Variants in NTM observed in about 807,000 individuals in gnomAD.
NTM encodes the protein IgLON family member 2.
A neutral mutation model predicts 42.1 loss-of-function variants in NTM; 13 were observed. The observed-to-expected ratio is 0.31, with a 90% CI of 0.20 to 0.49. The LOEUF (loss-of-function observed/expected upper bound fraction) is 0.49, where lower values mean the gene tolerates loss of function less well. Among genes scored for constraint, NTM ranks in the 20% least tolerant of loss-of-function variants. The pLI is 0.99. For missense variants in NTM, 373 were observed against 452.8 expected, an observed-to-expected ratio of 0.82 and a Z score of 1.60; for synonymous variants, 187 against 179.2, an observed-to-expected ratio of 1.04 and a Z score of -0.35.
chr11:132,297,451 G>A (rs1045859187), intron 4 of NTM, among the ~76,000 whole-genome samples: 1 of 152,186 alleles, frequency 6.6e-6, no homozygotes, highest in Admixed American at 6.5e-5. Flanking sequence ...TCATCAGCCA[G>A]TGGGCATGGG....
chr11:132,122,643 C>G (rs2065036132), intron 2 of NTM, among the ~76,000 whole-genome samples: 1 of 152,148 alleles, frequency 6.6e-6, no homozygotes, highest in African/African-American at 2.4e-5. Context: ...AGTGCCACCT[C>G]ATAAAGGGAA....
At chr11:132,212,934 C>T (rs1357402581) in intron 4 of NTM, among the ~76,000 whole-genome samples, 4 of 150,964 alleles carry the variant, frequency 2.6e-5, no homozygotes, top group Non-Finnish European at 5.9e-5. Context: ...CACTCATGAA[C>T]TCACATTCTC....
At chr11:132,129,402 C>T (rs2066430936) in intron 2 of NTM, among the ~76,000 whole-genome samples, 1 of 152,174 alleles carries the variant, frequency 6.6e-6, no homozygotes, top group Non-Finnish European at 1.5e-5. Context: ...CAAACAGATC[C>T]CAGGAGCCCT....
intron 2 of NTM, among the ~76,000 whole-genome samples, chr11:131,968,006 A>G (rs1250092394): frequency 1.3e-5 from 2 of 152,210 alleles, no homozygotes; most frequent in Non-Finnish European, 1.5e-5. Flanking sequence ...TACCAACCGT[A>G]TATAGGAATC....
intron 1 of NTM, among the ~76,000 whole-genome samples, chr11:131,471,733 T>C (rs1170153561): frequency 6.6e-6 from 1 of 152,042 alleles, no homozygotes; most frequent in Admixed American, 6.5e-5. Flanking sequence ...TACTCCAGGG[T>C]CTCCAGCATA....
intron 1 of NTM, among the ~76,000 whole-genome samples, chr11:131,489,587 C>T (rs144955058): frequency 6.6e-6 from 1 of 152,316 alleles, no homozygotes; most frequent in African/African-American, 2.4e-5. Context: ...TATCCTTCAG[C>T]CACAGCTTTG....
chr11:131,819,941 T>C (rs541531110), intron 1 of NTM, among the ~76,000 whole-genome samples: 3 of 152,316 alleles, frequency 2.0e-5, no homozygotes, highest in Admixed American at 6.5e-5. Context: ...TTGATTTCGG[T>C]CTGTTCCCTG....
At chr11:131,584,699 C>T (rs1040315088) in intron 1 of NTM, among the ~76,000 whole-genome samples, 31 of 152,218 alleles carry the variant, frequency 2.0e-4, no homozygotes, top group Admixed American at 1.3e-4. Context: ...AAGATATCTG[C>T]AATTTTGTGA....
intron 2 of NTM, among the ~76,000 whole-genome samples, chr11:131,999,624 T>C (rs2068775627): frequency 6.6e-6 from 1 of 152,258 alleles, no homozygotes; most frequent in African/African-American, 2.4e-5. Context: ...GCAAATTTCC[T>C]GCATAAGTTA....
chr11:132,329,731 G>C (rs893226317), intron 7 of NTM, among the ~76,000 whole-genome samples: 1 of 152,178 alleles, frequency 6.6e-6, no homozygotes, highest in Non-Finnish European at 1.5e-5. Context: ...AACTTTATAC[G>C]TAAGACCTAC....
chr11:131,700,036 G>C, intron 1 of NTM, among the ~76,000 whole-genome samples: 1 of 151,096 alleles, frequency 6.6e-6, no homozygotes, highest in Non-Finnish European at 1.5e-5. Flanking sequence ...AACACATTTA[G>C]CTGGAAGCTA....
intron 1 of NTM, among the ~76,000 whole-genome samples, chr11:131,514,106 G>A (rs2048596153): frequency 6.6e-6 from 1 of 152,156 alleles, no homozygotes; most frequent in Non-Finnish European, 1.5e-5. Flanking sequence ...AGGGGAGAAA[G>A]CATAAGAAAA....
intron 1 of NTM, among the ~76,000 whole-genome samples, chr11:131,381,536 T>A (rs983845403): frequency 6.6e-6 from 1 of 152,100 alleles, no homozygotes; most frequent in Non-Finnish European, 1.5e-5. Context: ...AAATGCCATA[T>A]TGTCATTTTT....
At chr11:131,799,112 C>T (rs542416765) in intron 1 of NTM, among the ~76,000 whole-genome samples, 72 of 152,118 alleles carry the variant, frequency 4.7e-4, no homozygotes, top group East Asian at 7.7e-4. Flanking sequence ...GTTTAGTAAA[C>T]GACTTCATTG....
intron 1 of NTM, among the ~76,000 whole-genome samples, chr11:131,792,945 G>A (rs749598342): frequency 6.6e-5 from 10 of 152,202 alleles, no homozygotes; most frequent in Non-Finnish European, 1.3e-4. Context: ...TATCTCTACT[G>A]TAAAATGGAG....
At chr11:132,141,440 C>T (rs1335747385) in intron 2 of NTM, among the ~76,000 whole-genome samples, 3 of 152,176 alleles carry the variant, frequency 2.0e-5, no homozygotes, top group African/African-American at 4.8e-5. Context: ...AATAAAACAA[C>T]TATTCATCAG....
At chr11:131,489,777 C>T (rs1954576810) in intron 1 of NTM, among the ~76,000 whole-genome samples, 1 of 152,248 alleles carries the variant, frequency 6.6e-6, no homozygotes, top group East Asian at 1.9e-4. Flanking sequence ...TTCAATTTTA[C>T]CTGGCCTTAG....
At chr11:132,186,467 C>A (rs79905194) in intron 3 of NTM, among the ~76,000 whole-genome samples, 2,463 of 152,312 alleles carry the variant, frequency 0.016, 26 homozygotes, top group Middle Eastern at 0.065. Flanking sequence ...TATCCCAGCT[C>A]CCCGAGGAAC....
In NTM at chr11:132,003,257, C is replaced by CT. The variant is rs879657772; in HGVS notation, c.167+91621dup. ...ACCCACACCCTTAGAGTTTTTTTTT[C>CT]TTTTTTTTTTTTGACAGGTTATTTG... On this transcript the variant is annotated intron_variant, in intron 2 of 8. Coordinates refer to ENST00000683400, the MANE Select transcript of NTM (RefSeq NM_001352005.2). This position sits in a 1 kb window ranked among gnomAD's most constrained non-coding sequence, Gnocchi z 6.0. Among the ~76,000 whole-genome samples, 702 of 132,216 alleles carry CT rather than the reference C, an allele frequency of 5.3e-3. 14 individuals carry two copies. The East Asian group carries it at 0.071, about 13-fold the overall frequency. 86.7% of individuals were successfully genotyped at this position (132,216 alleles called of 152,430 possible). A position where few individuals can be genotyped will look rare whatever the true frequency, so the allele number is the denominator to read the frequency against.
Sources: allele counts gnomAD v4.1 joint callset (sites outside exome capture counted in the v4.1 genomes callset), GRCh38; gene constraint gnomAD v4.1.1; non-coding constraint Gnocchi (gnomAD v3.1); transcripts MANE v1.5; gene names NCBI Gene and HGNC (gene_info 2026-07-23, HGNC 2026-07-21).